Variants in THRB observed in about 807,000 individuals in gnomAD.
THRB encodes the protein nuclear receptor subfamily 1 group A member 2.
In THRB, 12 loss-of-function variants were observed where a neutral mutation model predicts 47.8. The ratio of observed to expected loss-of-function variants is 0.25; its 90% confidence interval spans 0.16 to 0.41. THRB has a LOEUF of 0.41. Among genes scored for constraint, THRB ranks in the 10% least tolerant of loss-of-function variants. The probability of loss-of-function intolerance (pLI) is 1.00; values close to 1 mark genes in which losing one functional copy is unlikely to be tolerated. For synonymous variants in THRB, 218 were observed against 212.2 expected (o/e 1.03, Z -0.24); for missense variants, 348 against 589.2 (o/e 0.59, Z 4.24).
intron 10 of THRB, among the ~76,000 whole-genome samples, chr3:24,123,689 C>A (rs995559389): frequency 6.6e-6 from 1 of 152,086 alleles, no homozygotes; most frequent in Non-Finnish European, 1.5e-5. Context: ...TCCCTTATGC[C>A]TTTAGTAAAA....
chr3:24,340,373 C>G (rs1353091045), intron 1 of THRB, among the ~76,000 whole-genome samples: 1 of 151,698 alleles, frequency 6.6e-6, no homozygotes, highest in Non-Finnish European at 1.5e-5. Flanking sequence ...GCTCCTCCTC[C>G]TCTTCCTCCT....
At chr3:24,132,935 G>A (rs867997962) in intron 9 of THRB, among the ~76,000 whole-genome samples, 2 of 152,202 alleles carry the variant, frequency 1.3e-5, no homozygotes, top group Non-Finnish European at 2.9e-5. Context: ...TCTGAAAATG[G>A]GGTTAATACA....
chr3:24,395,543 G>A (rs1047245847), intron 1 of THRB, among the ~76,000 whole-genome samples: 13 of 151,920 alleles, frequency 8.6e-5, no homozygotes, highest in African/African-American at 2.7e-4. Context: ...TGCAGTACAC[G>A]CAAATCAAAA....
chr3:24,406,475 C>T lies in THRB; in HGVS notation c.-260-69104G>A, dbSNP rs187412467. On this transcript the variant is annotated intron_variant, in intron 1 of 10. Coordinates refer to ENST00000646209, the MANE Select transcript of THRB (RefSeq NM_001354712.2). ...AAAATTTCTTGCATTTTTAAGAATC[C>T]GCTCTTGTGGTCATGGTTTGTTATT... 1.1e-3 allele frequency among the ~76,000 whole-genome samples: 160 copies of T among 151,484 alleles called. 1 individual carries two copies. The highest frequency in any genetic ancestry group is 3.3e-3 in the African/African-American group (138 of 41,384).
intron 1 of THRB, among the ~76,000 whole-genome samples, chr3:24,386,592 C>T (rs2066126470): frequency 6.6e-6 from 1 of 152,066 alleles, no homozygotes; most frequent in African/African-American, 2.4e-5. Flanking sequence ...TCATATCTCC[C>T]ATATTTCCTC....
intron 4 of THRB, among the ~76,000 whole-genome samples, chr3:24,212,124 C>G (rs544568871): frequency 1.3e-5 from 2 of 152,192 alleles, no homozygotes; most frequent in South Asian, 2.1e-4. Context: ...ATTGGCCAGG[C>G]ATGGTGGCTT....
chr3:24,331,032 G>A (rs79741858), intron 2 of THRB, among the ~76,000 whole-genome samples: 762 of 152,208 alleles, frequency 5.0e-3, no homozygotes, highest in Non-Finnish European at 8.9e-3. Context: ...AGTTCCAAAA[G>A]AGCTATGATC....
At chr3:24,442,259 T>A (rs1421817881) in intron 1 of THRB, among the ~76,000 whole-genome samples, 1 of 152,228 alleles carries the variant, frequency 6.6e-6, no homozygotes, top group East Asian at 1.9e-4. Context: ...ACTTATTATA[T>A]GCCAGGCAAG....
rs1222381396 is a variant in THRB at position 24,223,454 on chromosome 3, C to T, written c.22+5484G>A. On this transcript the variant is annotated intron_variant, in intron 4 of 10. Transcript: ENST00000646209. ...AATCATAAATGACACCTCAATAGAA[C>T]TCATTCTATATAAATTAAAAGCTTT... is the stretch of plus-strand genomic sequence containing the variant. Among the ~76,000 whole-genome samples the T allele has an allele frequency of 2.0e-5, 3 of 152,126 alleles. No homozygotes were observed. In the East Asian group the frequency reaches 5.8e-4, roughly 29 times the overall value.
chr3:24,252,814 T>A (rs1221333547), intron 3 of THRB, among the ~76,000 whole-genome samples: 2 of 152,054 alleles, frequency 1.3e-5, no homozygotes, highest in African/African-American at 4.8e-5. Flanking sequence ...TGCATAGCAG[T>A]GTACACGGTA....
At chr3:24,480,932 G>A (rs1696260800) in intron 1 of THRB, among the ~76,000 whole-genome samples, 1 of 152,138 alleles carries the variant, frequency 6.6e-6, no homozygotes, top group Admixed American at 6.5e-5. Context: ...AAAAAGCGAT[G>A]GAGCTTGACA....
intron 4 of THRB, among the ~76,000 whole-genome samples, chr3:24,220,857 T>G (rs1429708236): frequency 6.6e-6 from 1 of 151,204 alleles, no homozygotes; most frequent in Non-Finnish European, 1.5e-5. Context: ...TAACCCACAG[T>G]TTCCCAGTCT....
At chr3:24,477,225 T>G (rs1695614218) in intron 1 of THRB, among the ~76,000 whole-genome samples, 1 of 152,140 alleles carries the variant, frequency 6.6e-6, no homozygotes, top group African/African-American at 2.4e-5. Flanking sequence ...CGTGACTTAT[T>G]ATGTTAATTC....
chr3:24,298,071 G>A (rs2056597739), intron 2 of THRB, among the ~76,000 whole-genome samples: 1 of 152,210 alleles, frequency 6.6e-6, no homozygotes. Flanking sequence ...CTAAAGCATC[G>A]AATTTCTATT....
chr3:24,407,237 G>A (rs1210700364), intron 1 of THRB, among the ~76,000 whole-genome samples: 6 of 151,740 alleles, frequency 4.0e-5, no homozygotes, highest in African/African-American at 1.5e-4. Context: ...TCAGGAATAC[G>A]ACCCTTTGCT....
chr3:24,338,011 C>T (rs547998965), intron 1 of THRB, among the ~76,000 whole-genome samples: 4 of 152,272 alleles, frequency 2.6e-5, no homozygotes, highest in South Asian at 2.1e-4. Flanking sequence ...AGGATGTCGC[C>T]GAGTGGCTGC....
chr3:24,465,456 G>A (rs1439664600), intron 1 of THRB, among the ~76,000 whole-genome samples: 1 of 152,166 alleles, frequency 6.6e-6, no homozygotes, highest in Non-Finnish European at 1.5e-5. Context: ...AGATTAGAGT[G>A]CAGTGGCATT....
chr3:24,251,591 ATTGT>A (rs2050672513), intron 3 of THRB, among the ~76,000 whole-genome samples: 1 of 152,148 alleles, frequency 6.6e-6, no homozygotes, highest in Non-Finnish European at 1.5e-5. Flanking sequence ...ATCTTGATGA[ATTGT>A]TTGATTTTCT....
intron 2 of THRB, 53 bp downstream of exon 2, chr3:24,337,247 G>A (rs1427167777): frequency 6.6e-6 from 1 of 152,076 alleles, no homozygotes; most frequent in Admixed American, 6.6e-5. Flanking sequence ...GCTAAAAAGG[G>A]ACAATTAATA....
Sources: gnomAD v4.1 joint callset for allele counts (sites outside exome capture counted in the v4.1 genomes callset) on GRCh38, gnomAD v4.1.1 for gene constraint, MANE v1.5 for transcripts, NCBI Gene and HGNC (gene_info 2026-07-23, HGNC 2026-07-21) for gene names.